The following GLRA2 variants were observed in gnomAD, a reference collection of about 807,000 sequenced individuals.
The protein encoded by GLRA2 is glycine receptor subunit alpha-2.
GLRA2 carries 11 observed loss-of-function variants against 31.6 expected under a neutral mutation model. The ratio of observed to expected loss-of-function variants is 0.35; its 90% CI spans 0.22 to 0.58. The LOEUF is 0.58. Ranked by LOEUF, GLRA2 falls within the 20% of genes least tolerant of loss-of-function variation. The pLI, the probability that GLRA2 is intolerant of heterozygous loss-of-function variation, is 0.84. For synonymous variants in GLRA2, 132 were observed against 134.0 expected, an observed-to-expected ratio of 0.99 and a Z score of 0.10; for missense variants, 212 against 351.8, an observed-to-expected ratio of 0.60 and a Z score of 3.18.
At chrX:14,602,531 G>A (rs1241369691) in intron 4 of GLRA2, among the ~76,000 whole-genome samples, 1 of 110,466 alleles carries the variant, frequency 9.1e-6, no homozygotes, top group Non-Finnish European at 1.9e-5. Context: ...CCCAGCACCT[G>A]AGCAGTATAC....
chrX:14,593,748 GAAGT>G (rs2090169727), intron 4 of GLRA2, among the ~76,000 whole-genome samples: 1 of 112,829 alleles, frequency 8.9e-6, no homozygotes, highest in African/African-American at 3.2e-5. Context: ...TAAAAGGGAG[GAAGT>G]AAGGGCGACA....
chrX:14,697,362 T>C lies in GLRA2; in HGVS notation c.1080+6503T>C, dbSNP rs146693559. Among the ~76,000 whole-genome samples, 953 of 112,241 alleles carry C rather than the reference T, an allele frequency of 8.5e-3. 9 individuals are homozygous for C. Among genetic ancestry groups the C allele is most frequent in the African/African-American group, 0.028 (880 of 30,885 alleles). ...TTAAAATAAGTGGAAACGGGTTTGG[T>C]TGACCTCCACTTTATAGACCTGGAT... is the stretch of plus-strand genomic sequence containing the variant. On this transcript the variant is annotated intron_variant, in intron 8 of 8. Coordinates refer to ENST00000218075, the MANE Select transcript of GLRA2 (RefSeq NM_002063.4).
chrX:14,619,574 C>T (rs1447673084), intron 7 of GLRA2, among the ~76,000 whole-genome samples: 1 of 79,924 alleles, frequency 1.3e-5, no homozygotes, highest in African/African-American at 3.6e-5. Flanking sequence ...TGACTACCTT[C>T]TCTACCTTCT....
intron 4 of GLRA2, among the ~76,000 whole-genome samples, chrX:14,598,122 A>G (rs965035079): frequency 2.7e-5 from 3 of 111,647 alleles, no homozygotes; most frequent in African/African-American, 9.8e-5. Context: ...TGTGGTCCCA[A>G]CAGAGGAACA....
the GLRA2 span, among the ~76,000 whole-genome samples, chrX:14,499,179 C>A: frequency 8.9e-6 from 1 of 111,758 alleles, no homozygotes; most frequent in African/African-American, 3.2e-5. Flanking sequence ...GGTTTTTGAA[C>A]TTCCATACAG....
intron 2 of GLRA2, among the ~76,000 whole-genome samples, chrX:14,555,733 T>A (rs377599160): frequency 8.9e-5 from 10 of 112,533 alleles, no homozygotes; most frequent in East Asian, 5.6e-4. Flanking sequence ...AATTACTTTT[T>A]GAAGCTGAAG....
chrX:14,504,883 G>A, the GLRA2 span, among the ~76,000 whole-genome samples: 2 of 111,883 alleles, frequency 1.8e-5, no homozygotes, highest in African/African-American at 3.3e-5. Context: ...GGCAGTAAAG[G>A]GAAAAGATAA....
At chrX:14,559,013 C>T (rs1421385912) in intron 2 of GLRA2, among the ~76,000 whole-genome samples, 3 of 110,548 alleles carry the variant, frequency 2.7e-5, no homozygotes, top group East Asian at 2.8e-4. Context: ...TTAGTAGAGA[C>T]GGGGTTTCGC....
chrX:14,527,313 C>T (rs2089190736), upstream of GLRA2, among the ~76,000 whole-genome samples: 1 of 112,083 alleles, frequency 8.9e-6, no homozygotes, highest in African/African-American at 3.2e-5. Context: ...AATAACACAA[C>T]TCTTGTTAAA....
At chrX:14,604,692 G>T (rs866499934) in intron 5 of GLRA2, among the ~76,000 whole-genome samples, 5 of 108,437 alleles carry the variant, frequency 4.6e-5, no homozygotes, top group African/African-American at 1.7e-4. Flanking sequence ...AGCCTGATTT[G>T]GTAAGCTTTT....
Position 14,608,977 on chromosome X carries a change from T to G in GLRA2, c.716-14T>G. 2.3e-6 allele frequency: 2 copies of G among 852,443 alleles called. No individual in the cohort carries two copies. Among genetic ancestry groups the G allele is most frequent in the Non-Finnish European group, 3.5e-6 (2 of 569,574 alleles). The allele number at this position is 852,443 out of a possible 1,213,427, so 70.3% of individuals were successfully genotyped here. On this transcript the variant is annotated splice_polypyrimidine_tract_variant and intron_variant, in intron 6 of 8. Transcript: ENST00000218075. ...ATTCAGGCTGGACTTTAAATGATCA[T>G]TTCCTCCTTCTAGGAAAGTTTACCT... is the stretch of plus-strand genomic sequence containing the variant.
intron 7 of GLRA2, among the ~76,000 whole-genome samples, chrX:14,625,955 G>C (rs890572169): frequency 4.5e-5 from 5 of 111,995 alleles, no homozygotes; most frequent in African/African-American, 1.6e-4. Context: ...TACAGAGCTA[G>C]ACCTTAAACT....
At chrX:14,456,675 T>C in the GLRA2 span, among the ~76,000 whole-genome samples, 2 of 112,652 alleles carry the variant, frequency 1.8e-5, no homozygotes, top group Non-Finnish European at 3.7e-5. Context: ...CATGTTACCA[T>C]GAATGACAAG....
chrX:14,549,500 G>T (rs1433640983), intron 2 of GLRA2, among the ~76,000 whole-genome samples: 1 of 111,650 alleles, frequency 9.0e-6, no homozygotes, highest in Non-Finnish European at 1.9e-5. Flanking sequence ...ATCCACAAAA[G>T]AGAGATGATG....
Position 14,571,247 on chromosome X carries a change from T to C in GLRA2, c.203-3086T>C, listed in dbSNP as rs1021006877. Reference sequence around the variant, plus strand: ...GGTTAACTAGTGTAAAATATTTCCTTCTGTAGTTTACAGAGCACATTCATT... The same window carrying C: ...GGTTAACTAGTGTAAAATATTTCCTCCTGTAGTTTACAGAGCACATTCATT... On this transcript the variant is annotated intron_variant, in intron 2 of 8. Transcript: ENST00000218075. Among the ~76,000 whole-genome samples, 6 of 112,172 alleles carry C rather than the reference T, an allele frequency of 5.3e-5. No homozygotes were observed. In the Admixed American group the frequency reaches 5.7e-4, roughly 11 times the overall value.
At chrX:14,499,631 C>T in the GLRA2 span, among the ~76,000 whole-genome samples, 1 of 110,974 alleles carries the variant, frequency 9.0e-6, no homozygotes, top group South Asian at 3.9e-4. Context: ...ATCGCATGTT[C>T]TCAATTTTAA....
At chrX:14,452,629 G>A in the GLRA2 span, among the ~76,000 whole-genome samples, 1 of 112,309 alleles carries the variant, frequency 8.9e-6, no homozygotes, top group East Asian at 2.8e-4. Context: ...AATGGGGAAG[G>A]TGTTACAGAA....
At chrX:14,546,622 G>A (rs1310083701) in intron 2 of GLRA2, among the ~76,000 whole-genome samples, 1 of 109,152 alleles carries the variant, frequency 9.2e-6, no homozygotes, top group African/African-American at 3.3e-5. Context: ...TCTGCCTACA[G>A]TTGAAACTGG....
At chrX:14,595,712 G>T (rs183014862) in intron 4 of GLRA2, among the ~76,000 whole-genome samples, 11 of 111,351 alleles carry the variant, frequency 9.9e-5, no homozygotes, top group Admixed American at 3.8e-4. Context: ...TGCTCTACCC[G>T]ATCACTGTGA....
Sources: gnomAD v4.1 joint callset for allele counts (sites outside exome capture counted in the v4.1 genomes callset) on GRCh38, gnomAD v4.1.1 for gene constraint, MANE v1.5 for transcripts, NCBI Gene and HGNC (gene_info 2026-07-23, HGNC 2026-07-21) for gene names.